Variants in UFSP2 observed in about 807,000 individuals in gnomAD.
The protein encoded by UFSP2 is UFM1 specific peptidase 2, also known as ufm1-specific protease 2.
In UFSP2, 43 loss-of-function variants were observed where a neutral mutation model predicts 60.2. The observed-to-expected ratio is 0.71, with a 90% CI of 0.56 to 0.92. The LOEUF (loss-of-function observed/expected upper bound fraction) is 0.92, where lower values mean the gene tolerates loss of function less well. Ranked by LOEUF, UFSP2 falls within the 40% of genes least tolerant of loss-of-function variation. The pLI is 0.00. For missense variants in UFSP2, 520 were observed against 575.0 expected (o/e 0.90, Z 0.98); for synonymous variants, 183 against 195.1 (o/e 0.94, Z 0.52).
chr4:185,410,246 G>T (rs1277966825), intron 7 of UFSP2, among the ~76,000 whole-genome samples: 1 of 151,928 alleles, frequency 6.6e-6, no homozygotes, highest in Non-Finnish European at 1.5e-5. Flanking sequence ...AACCATAATA[G>T]AAAAATATAA....
intron 4 of UFSP2, among the ~76,000 whole-genome samples, chr4:185,418,103 A>C (rs958976620): frequency 7.0e-6 from 1 of 143,670 alleles, no homozygotes; most frequent in African/African-American, 2.6e-5. Flanking sequence ...AAGAAAAATA[A>C]ATCATTTACT....
In UFSP2 at chr4:185,415,339, T is replaced by G. The variant is rs1405910516; in HGVS notation, c.500A>C (p.Lys167Thr). 1 of 1,579,040 alleles carries G rather than the reference T, an allele frequency of 6.3e-7. No individual in the cohort carries two copies. The highest frequency in any genetic ancestry group is 1.2e-5 in the South Asian group (1 of 84,490). The change falls in exon 6 of 12, where the codon AAA becomes ACA. Residue 167 changes from lysine (K) to threonine (T), a missense_variant. Physicochemically the swap from Lys to Thr is moderately conservative, Grantham distance 78 (BLOSUM62 -1). Coordinates refer to ENST00000264689, the MANE Select transcript of UFSP2 (RefSeq NM_018359.5). Reference sequence around the variant, plus strand: ...ATTATGAATTGCATCAACCAGGAGTTTACGAACTCTGTGGGGGGAAATATA... The same window carrying G: ...ATTATGAATTGCATCAACCAGGAGTGTACGAACTCTGTGGGGGGAAATATA... ...APEETWGKVR[K>T]LLVDAIHNQL...
At chr4:185,415,901 T>G in intron 4 of UFSP2, 34 bp from the exon 5 acceptor site, 2 of 1,517,012 alleles carry the variant, frequency 1.3e-6, no homozygotes, top group Non-Finnish European at 1.8e-6. Flanking sequence ...CAACTTGTAG[T>G]GCATTAAACA....
intron 5 of UFSP2, 145 bp from the exon 6 acceptor site, chr4:185,415,492 G>T: frequency 1.2e-6 from 1 of 833,398 alleles, no homozygotes; most frequent in East Asian, 2.9e-5. Context: ...CATTATAAAA[G>T]AAACTGTGTA....
chr4:185,402,396 C>G (rs2095514414), intron 11 of UFSP2: 1 of 442,416 alleles, frequency 2.3e-6, no homozygotes, highest in South Asian at 1.6e-5. Context: ...CAACACATTT[C>G]TATCCTATTA....
chr4:185,409,133 G>T (rs763728574), intron 7 of UFSP2, among the ~76,000 whole-genome samples: 3 of 152,006 alleles, frequency 2.0e-5, no homozygotes, highest in Non-Finnish European at 2.9e-5. Context: ...AATGAATGAA[G>T]GAAGGAATAA....
chr4:185,405,903 G>A (rs764503305), intron 9 of UFSP2, 47 bp from the exon 10 acceptor site: 38 of 1,613,070 alleles, frequency 2.4e-5, no homozygotes, highest in Non-Finnish European at 3.1e-5. Flanking sequence ...CCAACACTAC[G>A]GTCAAATAAT....
chr4:185,406,084 A>C (rs988466440), intron 9 of UFSP2: 2 of 775,496 alleles, frequency 2.6e-6, no homozygotes, highest in African/African-American at 1.8e-5. Context: ...TAAGACGCTA[A>C]AAGACCTTGA....
At position 185,400,012 on chromosome 4, in the gene UFSP2, A is replaced by G. The variant is rs2095511328; in HGVS notation, c.*380T>C. 6.2e-7 allele frequency: 1 copy of G among 1,602,072 alleles called. No individual in the cohort carries two copies. The highest frequency in any genetic ancestry group is 8.5e-7 in the Non-Finnish European group (1 of 1,176,858). ...TTTTTAATGTTAACGTGTTTTTAAA[A>G]ACAGATGTCACGTGGGTTATGAAGA... On this transcript the variant is annotated 3_prime_UTR_variant, in exon 12 of 12. Coordinates refer to ENST00000264689, the MANE Select transcript of UFSP2 (RefSeq NM_018359.5).
intron 6 of UFSP2, 59 bp downstream of exon 6, chr4:185,415,096 A>T (rs2095535965): frequency 7.2e-7 from 1 of 1,380,706 alleles, no homozygotes; most frequent in African/African-American, 1.5e-5. Flanking sequence ...TATATAATTA[A>T]ATACAAAATG....
At chr4:185,416,488 C>T (rs950412114) in intron 4 of UFSP2, among the ~76,000 whole-genome samples, 6 of 152,092 alleles carry the variant, frequency 3.9e-5, no homozygotes, top group African/African-American at 7.2e-5. Flanking sequence ...AAACTTATTT[C>T]GCAAAATACT....
intron 10 of UFSP2, among the ~76,000 whole-genome samples, chr4:185,405,002 C>CTTTTTTTTTTT (rs70962563): frequency 3.6e-5 from 5 of 138,196 alleles, no homozygotes; most frequent in Non-Finnish European, 6.1e-5. Flanking sequence ...ACCTCCATTT[C>CTTTTTTTTTTT]TTTTTTTTTT....
intron 4 of UFSP2, among the ~76,000 whole-genome samples, chr4:185,417,366 C>T (rs937593022): frequency 1.3e-5 from 2 of 152,228 alleles, no homozygotes; most frequent in African/African-American, 2.4e-5. Context: ...GTAAATCTAA[C>T]AGCTCATCTG....
intron 10 of UFSP2, 27 bp from the exon 11 acceptor site, chr4:185,403,645 A>G: frequency 1.3e-6 from 2 of 1,597,250 alleles, no homozygotes; most frequent in Non-Finnish European, 8.5e-7. Context: ...AGGAAATACG[A>G]ATGAAGGCAT....
At chr4:185,406,041 C>T in intron 9 of UFSP2, 185 bp from the exon 10 acceptor site, 1 of 1,294,110 alleles carries the variant, frequency 7.7e-7, no homozygotes, top group Non-Finnish European at 1.1e-6. Context: ...GCAACATAAA[C>T]TCAAAATACT....
Position 185,407,863 on chromosome 4 carries a change from T to C in UFSP2, c.1121+73A>G, listed in dbSNP as rs1268288212. On this transcript the variant is annotated intron_variant, in intron 9 of 11. Coordinates refer to ENST00000264689, the MANE Select transcript of UFSP2 (RefSeq NM_018359.5). Reference sequence around the variant, plus strand: ...AAAGAAATAAGGGAAGATACCATTTTTTCTATTATTTTAATTAAAATGACA... The same window carrying C: ...AAAGAAATAAGGGAAGATACCATTTCTTCTATTATTTTAATTAAAATGACA... 6 of 1,475,356 alleles carry C rather than the reference T, an allele frequency of 4.1e-6. No individual in the cohort carries two copies. In the Admixed American group the frequency reaches 1.2e-4, roughly 31 times the overall value. 91.4% of individuals were successfully genotyped at this position (1,475,356 alleles called of 1,614,324 possible).
At chr4:185,420,772 T>G (rs2095548023) in intron 2 of UFSP2, among the ~76,000 whole-genome samples, 1 of 152,228 alleles carries the variant, frequency 6.6e-6, no homozygotes, top group African/African-American at 2.4e-5. Context: ...ATTTTCTGAT[T>G]AATGAGAAGC....
At chr4:185,425,746 G>T in intron 1 of UFSP2, 120 bp downstream of exon 1, 1 of 1,438,590 alleles carries the variant, frequency 7.0e-7, no homozygotes, top group Non-Finnish European at 9.5e-7. Context: ...CACGCAGCTC[G>T]CAGCTGCCAT....
chr4:185,415,604 A>C (rs755413237), intron 5 of UFSP2, 106 bp downstream of exon 5: 186 of 1,073,140 alleles, frequency 1.7e-4, no homozygotes, highest in Non-Finnish European at 2.1e-4. Context: ...GGTTAATAAT[A>C]AACAAGGAGA....
Sources: gnomAD v4.1 joint callset for allele counts (sites outside exome capture counted in the v4.1 genomes callset) on GRCh38, gnomAD v4.1.1 for gene constraint, MANE v1.5 for transcripts, NCBI Gene and HGNC (gene_info 2026-07-23, HGNC 2026-07-21) for gene names.